Variants in PLA2G4A observed in about 807,000 individuals in gnomAD.
PLA2G4A encodes cytosolic phospholipase A2.
A neutral mutation model predicts 81.9 loss-of-function variants in PLA2G4A; 40 were observed. That is an observed-to-expected ratio of 0.49 (90% confidence interval 0.38 to 0.64). PLA2G4A has a LOEUF of 0.64. Ranked by LOEUF, PLA2G4A falls within the 30% of genes least tolerant of loss-of-function variation. The probability of loss-of-function intolerance (pLI) is 0.00; values close to 1 mark genes in which losing one functional copy is unlikely to be tolerated. For synonymous variants in PLA2G4A, 302 were observed against 296.9 expected (o/e 1.02, Z -0.18); for missense variants, 715 against 905.1 (o/e 0.79, Z 2.69).
At chr1:186,844,713 C>G (rs574073046) in intron 1 of PLA2G4A, among the ~76,000 whole-genome samples, 1 of 152,242 alleles carries the variant, frequency 6.6e-6, no homozygotes, top group African/African-American at 2.4e-5. Flanking sequence ...GTGCAGCACA[C>G]CAACATGGCA....
chr1:186,886,114 T>A (rs1485069231), intron 3 of PLA2G4A, among the ~76,000 whole-genome samples: 1 of 152,174 alleles, frequency 6.6e-6, no homozygotes, highest in African/African-American at 2.4e-5. Context: ...ACTGCCAGTA[T>A]AATCCTGAAG....
intron 2 of PLA2G4A, among the ~76,000 whole-genome samples, chr1:186,866,640 C>A (rs887381952): frequency 3.9e-5 from 6 of 151,936 alleles, no homozygotes; most frequent in African/African-American, 1.5e-4. Flanking sequence ...CTTCAAAAAT[C>A]AAATATTAAA....
intron 6 of PLA2G4A, among the ~76,000 whole-genome samples, chr1:186,909,345 T>C (rs1654857371): frequency 8.2e-6 from 1 of 121,598 alleles, no homozygotes; most frequent in Admixed American, 8.6e-5. Flanking sequence ...TAGAAAAGAG[T>C]GTAGCCCAAG....
intron 13 of PLA2G4A, among the ~76,000 whole-genome samples, chr1:186,953,686 TAAAGGG>T (rs1350186288): frequency 4.6e-5 from 7 of 152,212 alleles, no homozygotes; most frequent in Non-Finnish European, 1.0e-4. Context: ...CTCTAAGTTG[TAAAGGG>T]CGATGCAAAT....
chr1:186,914,190 A>G (rs999686343), intron 7 of PLA2G4A, among the ~76,000 whole-genome samples: 4 of 152,104 alleles, frequency 2.6e-5, no homozygotes, highest in African/African-American at 7.2e-5. Context: ...CCTGGGCTTA[A>G]GTGATCCTCT....
intron 7 of PLA2G4A, among the ~76,000 whole-genome samples, chr1:186,915,453 GC>G (rs546239596): frequency 3.9e-4 from 59 of 152,218 alleles, no homozygotes; most frequent in Non-Finnish European, 4.1e-4. Flanking sequence ...CAAGTAGCAG[GC>G]CCATAATATT....
intron 2 of PLA2G4A, among the ~76,000 whole-genome samples, chr1:186,863,869 T>C (rs1207297231): frequency 1.3e-5 from 2 of 151,954 alleles, no homozygotes; most frequent in African/African-American, 4.8e-5. Flanking sequence ...CAAGCCATTA[T>C]CCTGTCTCAG....
At chr1:186,942,960 A>G (rs1656207186) in intron 10 of PLA2G4A, among the ~76,000 whole-genome samples, 1 of 152,202 alleles carries the variant, frequency 6.6e-6, no homozygotes. Flanking sequence ...CAGATAAGAC[A>G]TCTTAAGGTA....
At chr1:186,838,190 A>C (rs1210271148) in intron 1 of PLA2G4A, among the ~76,000 whole-genome samples, 3 of 152,216 alleles carry the variant, frequency 2.0e-5, no homozygotes, top group Non-Finnish European at 4.4e-5. Context: ...ATGGACTTAA[A>C]TTAAAACTAG....
intron 14 of PLA2G4A, among the ~76,000 whole-genome samples, chr1:186,965,182 C>A (rs1657088311): frequency 6.6e-6 from 1 of 152,170 alleles, no homozygotes; most frequent in African/African-American, 2.4e-5. Flanking sequence ...CTCACAGCAA[C>A]CTTATTTGAT....
At chr1:186,937,063 CAGTT>C (rs1449681832) in intron 8 of PLA2G4A, among the ~76,000 whole-genome samples, 4 of 150,868 alleles carry the variant, frequency 2.7e-5, no homozygotes, top group Non-Finnish European at 5.9e-5. Context: ...TAATCTCACT[CAGTT>C]AGATGTAACT....
Position 186,870,369 on chromosome 1 carries a change from T to A in PLA2G4A, c.34-66T>A, listed in dbSNP as rs1653212800. On this transcript the variant is annotated intron_variant, in intron 2 of 17. Transcript: ENST00000367466. ...TTTTAAGTAGAATATTTTAAATTAATCTCAAGGAAAAAATGAGGTTCTATG... is the reference window on the plus strand; with the variant it reads ...TTTTAAGTAGAATATTTTAAATTAAACTCAAGGAAAAAATGAGGTTCTATG... 3.3e-6 allele frequency: 3 copies of A among 915,100 alleles called. No individual in the cohort carries two copies. The East Asian group carries it at 7.3e-5, about 22-fold the overall frequency. 56.7% of individuals were successfully genotyped at this position (915,100 alleles called of 1,614,324 possible).
intron 1 of PLA2G4A, among the ~76,000 whole-genome samples, chr1:186,844,452 A>G (rs1300051233): frequency 6.6e-6 from 1 of 152,238 alleles, no homozygotes; most frequent in Non-Finnish European, 1.5e-5. Context: ...ATATGCTTCC[A>G]TATCCAGTAT....
At chr1:186,958,227 G>T (rs1050728071) in intron 14 of PLA2G4A, among the ~76,000 whole-genome samples, 4 of 152,004 alleles carry the variant, frequency 2.6e-5, no homozygotes, top group Admixed American at 6.5e-5. Flanking sequence ...AATCCCAACA[G>T]GATTCACTAT....
At chr1:186,842,049 T>TTC (rs1398753077) in intron 1 of PLA2G4A, among the ~76,000 whole-genome samples, 1 of 150,618 alleles carries the variant, frequency 6.6e-6, no homozygotes, top group African/African-American at 2.4e-5. Context: ...ATATCTTTTT[T>TTC]TTTTTTTTTT....
At chr1:186,837,069 A>C (rs189912519) in intron 1 of PLA2G4A, among the ~76,000 whole-genome samples, 21 of 152,318 alleles carry the variant, frequency 1.4e-4, no homozygotes, top group South Asian at 4.1e-4. Context: ...ACTAGATGGA[A>C]AACCAGGTAT....
At chr1:186,956,505 T>C (rs1656760800) in intron 14 of PLA2G4A, among the ~76,000 whole-genome samples, 161 bp downstream of exon 14, 1 of 151,978 alleles carries the variant, frequency 6.6e-6, no homozygotes, top group Non-Finnish European at 1.5e-5. Flanking sequence ...GGTTTTTTTT[T>C]TGTTGTTGTT....
rs867245266 is a variant in PLA2G4A at position 186,879,847 on chromosome 1, T to A, written c.115+9331T>A. Among the ~76,000 whole-genome samples, 117 of 146,110 alleles carry A rather than the reference T, an allele frequency of 8.0e-4. 1 individual carries two copies. Among genetic ancestry groups the A allele is most frequent in the Middle Eastern group, 3.6e-3 (1 of 276 alleles). ...TATTTTTATTTATTTATATATATAT[T>A]TTTTTATTATATTTTAAGTTCTAGG... On this transcript the variant is annotated intron_variant, in intron 3 of 17. Coordinates refer to ENST00000367466, the MANE Select transcript of PLA2G4A (RefSeq NM_024420.3).
chr1:186,836,245 T>C (rs1030079437), intron 1 of PLA2G4A, among the ~76,000 whole-genome samples: 2 of 151,096 alleles, frequency 1.3e-5, no homozygotes, highest in Non-Finnish European at 3.0e-5. Context: ...ATGAATTAAT[T>C]CAGGTAAATC....
Sources: allele counts gnomAD v4.1 joint callset (sites outside exome capture counted in the v4.1 genomes callset), GRCh38; gene constraint gnomAD v4.1.1; transcripts MANE v1.5; gene names NCBI Gene and HGNC (gene_info 2026-07-23, HGNC 2026-07-21).